Variants in ZNF441 observed in about 807,000 individuals in gnomAD.
ZNF441 encodes zinc finger protein 441.
A neutral mutation model predicts 64.5 loss-of-function variants in ZNF441; 25 were observed. The ratio of observed to expected loss-of-function variants is 0.39; its 90% CI spans 0.28 to 0.54. The LOEUF is 0.54. Ranked by LOEUF, ZNF441 falls within the 20% of genes least tolerant of loss-of-function variation. ZNF441 has a pLI of 0.70. For missense variants in ZNF441, 715 were observed against 843.3 expected (o/e 0.85, Z 1.88); for synonymous variants, 262 against 268.0 (o/e 0.98, Z 0.22).
chr19:11,770,949 A>ATT (rs746399213), intron 1 of ZNF441, among the ~76,000 whole-genome samples: 3 of 148,894 alleles, frequency 2.0e-5, no homozygotes, highest in African/African-American at 2.5e-5. Flanking sequence ...AAAAAAAAAA[A>ATT]TTGAATGCAA....
chr19:11,774,589 GT>G, intron 1 of ZNF441, among the ~76,000 whole-genome samples: 1 of 152,240 alleles, frequency 6.6e-6, no homozygotes, highest in African/African-American at 2.4e-5. Context: ...GTGCTTTGCA[GT>G]TGCATAAATT....
intron 3 of ZNF441, 49 bp downstream of exon 3, chr19:11,778,442 T>C (rs905655148): frequency 8.9e-6 from 12 of 1,352,228 alleles, no homozygotes; most frequent in Non-Finnish European, 1.2e-5. Flanking sequence ...TGATTCATAG[T>C]ATGCCAGAAA....
In ZNF441 at chr19:11,783,591, TA is replaced by T. The variant is rs1233944631; in HGVS notation, c.*1691del. 6.6e-6 allele frequency: 1 copy of T among 152,120 alleles called. No individual in the cohort carries two copies. Among genetic ancestry groups the T allele is most frequent in the African/African-American group, 2.4e-5 (1 of 41,430 alleles). 9.4% of individuals were successfully genotyped at this position (152,120 alleles called of 1,614,324 possible). A position where few individuals can be genotyped will look rare whatever the true frequency, so the allele number is the denominator to read the frequency against. ...TACACAGTGGAATACTATTTGGCCA[TA>T]AAAAAGAGTAAAATGTTATTGCTAA... On this transcript the variant is annotated 3_prime_UTR_variant, in exon 4 of 4. Transcript: ENST00000357901.
chr19:11,769,363 C>G (rs753778581), intron 1 of ZNF441, among the ~76,000 whole-genome samples: 2 of 152,192 alleles, frequency 1.3e-5, no homozygotes, highest in African/African-American at 2.4e-5. Context: ...TCATTTGTAT[C>G]ACTGCCTGGC....
chr19:11,781,620 C>G lies in ZNF441; in HGVS notation c.1796C>G (p.Pro599Arg), dbSNP rs745790498. The G allele has an allele frequency of 9.9e-6, 16 of 1,613,954 alleles. No homozygotes were observed. The South Asian group carries it at 1.8e-4, about 18-fold the overall frequency. The change falls in exon 4 of 4, where the codon CCC becomes CGC. Residue 599 changes from proline to arginine, a missense_variant. Pro to Arg is a moderately radical substitution (Grantham distance 103, BLOSUM62 -2). Transcript: ENST00000357901. ...ATATGTGGGAAAGGCTTTGATTATC[C>G]CAGTTCAGTGCAAAGACATGAAAGA... The part of the protein sequence containing the change: ...CKICGKGFDY[P>R]SSVQRHERTH...
Position 11,781,647 on chromosome 19 carries a change from C to T in ZNF441, c.1823C>T (p.Thr608Ile). The T allele has an allele frequency of 6.2e-7, 1 of 1,614,098 alleles. No individual in the cohort carries two copies. Among genetic ancestry groups the T allele is most frequent in the Non-Finnish European group, 8.5e-7 (1 of 1,179,980 alleles). Residue 608 changes from threonine (T) to isoleucine (I), a missense_variant, in exon 4 of 4, where the codon ACT becomes ATT. By Grantham distance (89) the Thr-to-Ile change is moderately conservative (BLOSUM62 -1). This residue lies in a region of ZNF441 where 316 missense variants were observed against 429.3 expected (regional missense o/e 0.74). Coordinates refer to ENST00000357901, the MANE Select transcript of ZNF441 (RefSeq NM_152355.3). Reference protein sequence around the residue: ...YPSSVQRHERTHTGEKPYECK... With the variant: ...YPSSVQRHERIHTGEKPYECK... ...AGTTCAGTGCAAAGACATGAAAGAA[C>T]TCACACTGGAGAGAAACCCTATGAA... is the stretch of plus-strand genomic sequence containing the variant.
At position 11,781,316 on chromosome 19, in the gene ZNF441, A is replaced by C. The variant is rs1187260818; in HGVS notation, c.1492A>C (p.Thr498Pro). ...KSFQRHMIMH[T>P]GDGPHKCKIC... ...CTTTCAGAGACACATGATAATGCAC[A>C]CTGGAGATGGACCTCATAAATGTAA... The change falls in exon 4 of 4, where the codon ACT becomes CCT. Residue 498 changes from threonine to proline, a missense_variant. Physicochemically the swap from Thr to Pro is conservative, Grantham distance 38. Coordinates refer to ENST00000357901, the MANE Select transcript of ZNF441 (RefSeq NM_152355.3). 6.2e-7 allele frequency: 1 copy of C among 1,613,968 alleles called. No homozygotes were observed. Among genetic ancestry groups the C allele is most frequent in the East Asian group, 2.2e-5 (1 of 44,866 alleles).
rs1975405331 is a variant in ZNF441, at chr19:11,781,666, C to T, written c.1842C>T (p.Pro614=). The T allele has an allele frequency of 6.2e-7, 1 of 1,613,952 alleles. No individual in the cohort carries two copies. The highest frequency in any genetic ancestry group is 1.3e-5 in the African/African-American group (1 of 74,896). ...AAAGAACTCACACTGGAGAGAAACC[C>T]TATGAATGCAAGGAATGTGGTAAAG... The part of the protein sequence containing the change: ...RHERTHTGEK[P]YECKECGKAF... The change falls in exon 4 of 4, where the codon CCC becomes CCT. Residue 614 remains proline (P), a synonymous_variant. Transcript: ENST00000357901.
At chr19:11,771,684 T>C (rs2145078187) in intron 1 of ZNF441, among the ~76,000 whole-genome samples, 1 of 152,350 alleles carries the variant, frequency 6.6e-6, no homozygotes, top group South Asian at 2.1e-4. Context: ...CCTTCTGTTA[T>C]GCCTGGACAG....
At chr19:11,775,645 T>A (rs933497975) in intron 1 of ZNF441, among the ~76,000 whole-genome samples, 1 of 149,062 alleles carries the variant, frequency 6.7e-6, no homozygotes, top group African/African-American at 2.5e-5. Flanking sequence ...TTTTTTTTTT[T>A]GTGACGGAAT....
At chr19:11,779,447 G>A (rs1975380075) in intron 3 of ZNF441, among the ~76,000 whole-genome samples, 1 of 152,006 alleles carries the variant, frequency 6.6e-6, no homozygotes, top group African/African-American at 2.4e-5. Flanking sequence ...ACTAGCCTGG[G>A]CAACATGGTG....
At chr19:11,769,854 T>G (rs1458378654) in intron 1 of ZNF441, among the ~76,000 whole-genome samples, 2 of 152,042 alleles carry the variant, frequency 1.3e-5, no homozygotes, top group African/African-American at 4.8e-5. Context: ...TTTTGTATTT[T>G]TAGTAGAGAC....
intron 1 of ZNF441, among the ~76,000 whole-genome samples, chr19:11,772,186 C>G (rs984991089): frequency 8.9e-6 from 1 of 112,292 alleles, no homozygotes; most frequent in Non-Finnish European, 1.8e-5. Flanking sequence ...GGAGATGACT[C>G]ACACTCTACC....
chr19:11,769,472 A>G (rs918227279), intron 1 of ZNF441, among the ~76,000 whole-genome samples: 7 of 152,106 alleles, frequency 4.6e-5, no homozygotes, highest in Admixed American at 2.0e-4. Flanking sequence ...GTCTGCTAAT[A>G]TCATACTCTC....
chr19:11,769,418 T>C (rs985293748), intron 1 of ZNF441, among the ~76,000 whole-genome samples: 2 of 152,188 alleles, frequency 1.3e-5, no homozygotes, highest in Non-Finnish European at 1.5e-5. Context: ...GTAGATGCTC[T>C]TGTTCCAGAA....
chr19:11,778,795 C>T (rs1203874008), intron 3 of ZNF441, among the ~76,000 whole-genome samples: 1 of 152,166 alleles, frequency 6.6e-6, no homozygotes, highest in Admixed American at 6.5e-5. Context: ...TTAACAAGCC[C>T]ACCTTAAATT....
Position 11,780,451 on chromosome 19 carries a change from T to G in ZNF441, c.627T>G (p.Ser209Arg), listed in dbSNP as rs777295723. ...KLCGNAFIWP[S>R]LFHMLRRTHT... The stretch of plus-strand genomic sequence containing the variant: ...GTGGAAACGCCTTTATTTGGCCTAG[T>G]TTATTTCATATGCTTAGAAGAACTC... Residue 209 changes from serine (S) to arginine (R), a missense_variant, in exon 4 of 4, where the codon AGT (serine) becomes AGG (arginine). Physicochemically the swap from Ser to Arg is moderately radical, Grantham distance 110. Transcript: ENST00000357901. 13 of 1,614,100 alleles carry G rather than the reference T, an allele frequency of 8.1e-6. No homozygotes were observed. The highest frequency in any genetic ancestry group is 1.1e-5 in the Non-Finnish European group (13 of 1,180,034).
At position 11,780,576 on chromosome 19, in the gene ZNF441, C is replaced by T; in HGVS notation, c.752C>T (p.Pro251Leu). The change falls in exon 4 of 4, where the codon CCC becomes CTC. Residue 251 changes from proline (P) to leucine (L), a missense_variant. Physicochemically the swap from Pro to Leu is moderately conservative, Grantham distance 98. Around this residue, in one of 2 missense-constraint regions of ZNF441, gnomAD observed 399 missense variants for 413.9 expected, o/e 0.96. Transcript: ENST00000357901. Reference sequence around the variant, plus strand: ...GAAAGAACACACAGTGGAGAGAAACCCTATCAATGTAAACAATGTGGGAAA... The same window carrying T: ...GAAAGAACACACAGTGGAGAGAAACTCTATCAATGTAAACAATGTGGGAAA... ...RHERTHSGEK[P>L]YQCKQCGKAF... 2 of 1,614,136 alleles carry T rather than the reference C, an allele frequency of 1.2e-6. No homozygotes were observed. Among genetic ancestry groups the T allele is most frequent in the Non-Finnish European group, 1.7e-6 (2 of 1,180,030 alleles).
At position 11,781,724 on chromosome 19, in the gene ZNF441, G is replaced by C; in HGVS notation, c.1900G>C (p.Glu634Gln). The C allele has an allele frequency of 6.2e-7, 1 of 1,614,028 alleles. No individual in the cohort carries two copies. The highest frequency in any genetic ancestry group is 1.1e-5 in the South Asian group (1 of 91,076). Residue 634 changes from glutamate to glutamine, a missense_variant, in exon 4 of 4, where the codon GAA becomes CAA. Physicochemically the swap from Glu to Gln is conservative, Grantham distance 29 (BLOSUM62 2). Transcript: ENST00000357901. Reference protein sequence around the residue: ...FSHSSYLRIHERVHTGEKPYK... With the variant: ...FSHSSYLRIHQRVHTGEKPYK... ...TCATTCAAGTTACTTACGAATACAC[G>C]AAAGAGTTCATACTGGAGAGAAGCC... is the stretch of plus-strand genomic sequence containing the variant.
Sources: gnomAD v4.1 joint callset for allele counts (sites outside exome capture counted in the v4.1 genomes callset) on GRCh38, gnomAD v4.1.1 for gene constraint, gnomAD v4.1.1 regional missense constraint, MANE v1.5 for transcripts, NCBI Gene and HGNC (gene_info 2026-07-23, HGNC 2026-07-21) for gene names.